USP32: variants seen among roughly 807,000 people sequenced by gnomAD.
USP32 encodes ubiquitin carboxyl-terminal hydrolase 32.
A neutral mutation model predicts 204.8 loss-of-function variants in USP32; 59 were observed. That is an observed-to-expected ratio of 0.29 (90% confidence interval 0.23 to 0.36). The LOEUF (loss-of-function observed/expected upper bound fraction) is 0.36, where lower values mean the gene tolerates loss of function less well. Among genes scored for constraint, USP32 ranks in the 10% least tolerant of loss-of-function variants. The pLI, the probability that USP32 is intolerant of heterozygous loss-of-function variation, is 1.00. For missense variants in USP32, 1,160 were observed against 1,946.4 expected (o/e 0.60, Z 7.60); for synonymous variants, 517 against 678.4 (o/e 0.76, Z 3.70).
intron 2 of USP32, among the ~76,000 whole-genome samples, chr17:60,317,853 C>T (rs914109987): frequency 6.6e-6 from 1 of 152,090 alleles, no homozygotes; most frequent in Admixed American, 6.6e-5. Context: ...TGCATGGTGG[C>T]ATGCGCCTAT....
intron 33 of USP32, among the ~76,000 whole-genome samples, chr17:60,179,861 G>T (rs1264295409): frequency 6.6e-6 from 1 of 151,870 alleles, no homozygotes; most frequent in African/African-American, 2.4e-5. Context: ...TAGTAAAGGC[G>T]GGGTTTCACC....
At chr17:60,289,384 G>C (rs918972013) in intron 4 of USP32, among the ~76,000 whole-genome samples, 2 of 152,038 alleles carry the variant, frequency 1.3e-5, no homozygotes, top group Non-Finnish European at 2.9e-5. Flanking sequence ...TCTTCAATCT[G>C]CCTGAGTTAC....
intron 11 of USP32, among the ~76,000 whole-genome samples, chr17:60,237,783 T>C (rs1464358197): frequency 6.6e-6 from 1 of 152,244 alleles, no homozygotes; most frequent in East Asian, 1.9e-4. Flanking sequence ...TATGGTTGAA[T>C]AATATTCCAT....
At chr17:60,248,539 A>C (rs187717918) in intron 11 of USP32, among the ~76,000 whole-genome samples, 7 of 152,180 alleles carry the variant, frequency 4.6e-5, no homozygotes, top group Admixed American at 2.6e-4. Context: ...CTGTTCATTT[A>C]TTTGGTCTTC....
intron 2 of USP32, among the ~76,000 whole-genome samples, chr17:60,323,671 C>T (rs917388612): frequency 6.6e-6 from 1 of 152,148 alleles, no homozygotes; most frequent in Non-Finnish European, 1.5e-5. Flanking sequence ...AAGCAAAGAA[C>T]TGGTGTATGT....
At chr17:60,305,931 T>C (rs1486954382) in intron 2 of USP32, among the ~76,000 whole-genome samples, 1 of 152,164 alleles carries the variant, frequency 6.6e-6, no homozygotes, top group Non-Finnish European at 1.5e-5. Context: ...CCTAGAATCA[T>C]CCAGTTCATT....
At chr17:60,282,110 G>A (rs2086981042) in intron 5 of USP32, among the ~76,000 whole-genome samples, 1 of 152,156 alleles carries the variant, frequency 6.6e-6, no homozygotes, top group Non-Finnish European at 1.5e-5. Flanking sequence ...TTACCACACA[G>A]TACTGATTTA....
upstream of USP32, among the ~76,000 whole-genome samples, chr17:60,395,268 C>T (rs745388929): frequency 3.9e-5 from 6 of 152,142 alleles, no homozygotes; most frequent in Non-Finnish European, 5.9e-5. Context: ...CTGGCATCCC[C>T]TAAGGTCATA....
At chr17:60,224,924 G>GT (rs1264420721) in intron 13 of USP32, among the ~76,000 whole-genome samples, 3 of 152,140 alleles carry the variant, frequency 2.0e-5, no homozygotes, top group Admixed American at 2.0e-4. Flanking sequence ...GAAGTTTTAG[G>GT]TAAGTACCAA....
At chr17:60,203,723 T>C (rs1200008847) in intron 26 of USP32, among the ~76,000 whole-genome samples, 3 of 152,064 alleles carry the variant, frequency 2.0e-5, no homozygotes, top group African/African-American at 7.2e-5. Context: ...ACTACCGGCG[T>C]GTGCCACCAT....
In USP32 at chr17:60,391,971, G is replaced by A; in HGVS notation, c.-32C>T. 1.2e-6 allele frequency: 2 copies of A among 1,601,866 alleles called. No individual in the cohort carries two copies. The highest frequency in any genetic ancestry group is 1.7e-6 in the Non-Finnish European group (2 of 1,174,434). ...CTCATCCCCTCGGCGGGGGGTCGGA[G>A]CCTGATCTCGCCCCCACCCCCCTCC... On this transcript the variant is annotated 5_prime_UTR_variant, in exon 1 of 34. Transcript: ENST00000300896.
rs2084040758 is a variant in USP32, at chr17:60,179,349, A to C, written c.4721T>G (p.Phe1574Cys). The C allele has an allele frequency of 6.2e-7, 1 of 1,613,650 alleles. No individual in the cohort carries two copies. The highest frequency in any genetic ancestry group is 1.3e-5 in the African/African-American group (1 of 74,908). ...YEQQGIDYAQFLPKTDGKKMA... is the reference protein window; with the variant it reads ...YEQQGIDYAQCLPKTDGKKMA... ...CTTTTTGCCATCAGTCTTTGGCAGA[A>C]ATTGTGCATAGTCTATCCCCTGCTG... The change falls in exon 34 of 34, where the codon TTT becomes TGT. Residue 1574 changes from phenylalanine to cysteine, a missense_variant. Transcript: ENST00000300896.
At chr17:60,381,753 T>C (rs2089651230) in intron 1 of USP32, among the ~76,000 whole-genome samples, 1 of 152,224 alleles carries the variant, frequency 6.6e-6, no homozygotes, top group Non-Finnish European at 1.5e-5. Context: ...ATTACTTACG[T>C]AAACTGTACA....
At chr17:60,332,344 A>G (rs908222425) in intron 2 of USP32, among the ~76,000 whole-genome samples, 1 of 152,060 alleles carries the variant, frequency 6.6e-6, no homozygotes, top group Non-Finnish European at 1.5e-5. Context: ...AAACATTTCT[A>G]TCGCCTCAAA....
rs73324952 is a variant in USP32, at chr17:60,269,577, G to A, written c.704-20C>T. On this transcript the variant is annotated intron_variant, in intron 6 of 33. Coordinates refer to ENST00000300896, the MANE Select transcript of USP32 (RefSeq NM_032582.4). ...ACAAACCTGTAAAATAGGAAGAGAT[G>A]CCATAAATCACAGCCAAGCTTCCTA... 8.4e-3 allele frequency: 13,149 copies of A among 1,563,660 alleles called. 962 individuals carry two copies. In the African/African-American group the frequency reaches 0.16, roughly 19 times the overall value.
chr17:60,340,087 C>T lies in USP32; in HGVS notation c.186+5394G>A, dbSNP rs181501277. On this transcript the variant is annotated intron_variant, in intron 2 of 33. Coordinates refer to ENST00000300896, the MANE Select transcript of USP32 (RefSeq NM_032582.4). Reference sequence around the variant, plus strand: ...CTCAGACTTAAAGGTCCAAGCTCTCCATAGGATTTTTTTTTCTCCATAGGA... The same window carrying T: ...CTCAGACTTAAAGGTCCAAGCTCTCTATAGGATTTTTTTTTCTCCATAGGA... 1.3e-3 allele frequency among the ~76,000 whole-genome samples: 204 copies of T among 152,232 alleles called. 1 individual carries two copies. The highest frequency in any genetic ancestry group is 4.5e-3 in the African/African-American group (188 of 41,550).
At chr17:60,305,333 AG>A (rs1292560152) in intron 2 of USP32, 1 of 152,174 alleles carries the variant, frequency 6.6e-6, no homozygotes, top group Non-Finnish European at 1.5e-5. Flanking sequence ...GAGAGAGAGG[AG>A]GAAGTACCAG....
chr17:60,371,041 A>G (rs937816088), intron 1 of USP32, among the ~76,000 whole-genome samples: 3 of 151,716 alleles, frequency 2.0e-5, no homozygotes, highest in African/African-American at 7.3e-5. Context: ...TATCTTAGAC[A>G]ACACAGTGAG....
chr17:60,421,388 C>T (rs898736670), intron 1 of USP32: 1 of 985,418 alleles, frequency 1.0e-6, no homozygotes, highest in Non-Finnish European at 1.2e-6. Flanking sequence ...GCCGCTATGC[C>T]CCTCTCCTGT....
Sources: allele counts gnomAD v4.1 joint callset (sites outside exome capture counted in the v4.1 genomes callset), GRCh38; gene constraint gnomAD v4.1.1; transcripts MANE v1.5; gene names NCBI Gene and HGNC (gene_info 2026-07-23, HGNC 2026-07-21).